SIN3A: variants seen among roughly 807,000 people sequenced by gnomAD.
The protein encoded by SIN3A is SIN3 transcription regulator family member A.
SIN3A carries 14 observed loss-of-function variants against 146.1 expected under a neutral mutation model. That is an observed-to-expected ratio of 0.10 (90% CI 0.06 to 0.15). The LOEUF (loss-of-function observed/expected upper bound fraction) is 0.15. Ranked by LOEUF, SIN3A falls within the 10% of genes least tolerant of loss-of-function variation. The pLI is 1.00. For synonymous variants in SIN3A, 572 were observed against 572.0 expected, an observed-to-expected ratio of 1.00 and a Z score of 0.00; for missense variants, 1,028 against 1,576.0, an observed-to-expected ratio of 0.65 and a Z score of 5.89.
chr15:75,442,381 C>T (rs2074231903), intron 1 of SIN3A, among the ~76,000 whole-genome samples: 1 of 150,554 alleles, frequency 6.6e-6, no homozygotes, highest in South Asian at 2.1e-4. Flanking sequence ...CTATGTTGCC[C>T]AGGCTGGTCT....
At chr15:75,402,791 C>T (rs2073435959) in intron 9 of SIN3A, among the ~76,000 whole-genome samples, 1 of 151,986 alleles carries the variant, frequency 6.6e-6, no homozygotes, top group Non-Finnish European at 1.5e-5. Flanking sequence ...TGTGCTACTA[C>T]ACCCGGATAA....
At chr15:75,397,171 C>G (rs1200008714) in intron 12 of SIN3A, among the ~76,000 whole-genome samples, 1 of 152,128 alleles carries the variant, frequency 6.6e-6, no homozygotes, top group Non-Finnish European at 1.5e-5. Flanking sequence ...ATAAGGTTCT[C>G]TAAATGAGAA....
intron 1 of SIN3A, among the ~76,000 whole-genome samples, chr15:75,448,919 TC>T (rs1219744511): frequency 1.3e-5 from 2 of 152,204 alleles, no homozygotes; most frequent in Non-Finnish European, 2.9e-5. Flanking sequence ...ATTAAAACCC[TC>T]TTAATTACGA....
intron 1 of SIN3A, among the ~76,000 whole-genome samples, chr15:75,432,001 G>A (rs2074021260): frequency 6.6e-6 from 1 of 152,182 alleles, no homozygotes. Flanking sequence ...AGCTTTGTGT[G>A]TGATAATATG....
chr15:75,445,700 G>A (rs2074295078), intron 1 of SIN3A, among the ~76,000 whole-genome samples: 1 of 146,976 alleles, frequency 6.8e-6, no homozygotes, highest in South Asian at 2.1e-4. Flanking sequence ...GCAATGAGCC[G>A]AGATAGTACC....
At chr15:75,394,316 C>A (rs1458940250) in intron 14 of SIN3A, among the ~76,000 whole-genome samples, 1 of 152,148 alleles carries the variant, frequency 6.6e-6, no homozygotes, top group Admixed American at 6.5e-5. Context: ...GCAAGGATTA[C>A]AAAGAGTTTG....
At chr15:75,442,120 C>CAAAAAAAAA (rs57418865) in intron 1 of SIN3A, among the ~76,000 whole-genome samples, 1 of 29,280 alleles carries the variant, frequency 3.4e-5, no homozygotes, top group Non-Finnish European at 5.3e-5. Flanking sequence ...GACTCTGTCT[C>CAAAAAAAAA]AAAAAAAAAA....
chr15:75,422,722 C>G lies in SIN3A; in HGVS notation c.291G>C (p.Gln97His), dbSNP rs2073859814. ...CTGGATGAGCATGACTCTGGACCAC[C>G]TGGCCTCCGTGGGGCTGCACCGCTG... ...HPTAVQPHGG[Q>H]VVQSHAHPAP... The change falls in exon 3 of 21, where the codon CAG becomes CAC. Residue 97 changes from glutamine to histidine, a missense_variant. By Grantham distance (24) the Gln-to-His change is conservative (BLOSUM62 0). Transcript: ENST00000394947. 1 of 1,614,100 alleles carries G rather than the reference C, an allele frequency of 6.2e-7. No homozygotes were observed. Among genetic ancestry groups the G allele is most frequent in the Non-Finnish European group, 8.5e-7 (1 of 1,180,046 alleles).
chr15:75,412,263 A>G (rs904130116), intron 5 of SIN3A, among the ~76,000 whole-genome samples: 1 of 152,270 alleles, frequency 6.6e-6, no homozygotes, highest in Admixed American at 6.5e-5. Flanking sequence ...TTTAATTTAA[A>G]TAGTCCTATG....
chr15:75,376,605 A>C (rs1433091457), intron 19 of SIN3A, among the ~76,000 whole-genome samples: 1 of 152,036 alleles, frequency 6.6e-6, no homozygotes, highest in Non-Finnish European at 1.5e-5. Context: ...GCTCATGCCT[A>C]TAATCCCAGC....
chr15:75,446,336 T>C (rs770433728), intron 1 of SIN3A: 1 of 149,532 alleles, frequency 6.7e-6, no homozygotes, highest in Non-Finnish European at 1.5e-5. Context: ...AAGACCCTCA[T>C]GTCTTTGTGA....
chr15:75,445,043 G>A (rs191592366), intron 1 of SIN3A, among the ~76,000 whole-genome samples: 4 of 151,792 alleles, frequency 2.6e-5, no homozygotes, highest in Admixed American at 2.0e-4. Context: ...TGAGCAACAT[G>A]GTAAGACCCT....
chr15:75,410,413 C>T (rs79147131), intron 6 of SIN3A, 127 bp from the exon 7 acceptor site: 195,104 of 848,940 alleles, frequency 0.23, 24,871 homozygotes, highest in Non-Finnish European at 0.27. Context: ...GTTCTTAGCA[C>T]CCGTTCTGAC....
At chr15:75,374,099 C>T (rs540036259) in intron 20 of SIN3A, among the ~76,000 whole-genome samples, 44 of 152,278 alleles carry the variant, frequency 2.9e-4, no homozygotes, top group Non-Finnish European at 4.7e-4. Context: ...CAAAACAAAA[C>T]AAACCAAAAA....
At chr15:75,446,767 A>G (rs1479189599) in intron 1 of SIN3A, among the ~76,000 whole-genome samples, 1 of 151,650 alleles carries the variant, frequency 6.6e-6, no homozygotes, top group African/African-American at 2.4e-5. Flanking sequence ...GTGAAATTAC[A>G]GACATATCCT....
rs2072752453 is a variant in SIN3A, at chr15:75,371,573, C to T, written c.*406G>A. On this transcript the variant is annotated 3_prime_UTR_variant, in exon 21 of 21. Transcript: ENST00000394947. ...TTCCAATCCATCTGAGTATTAAGTCCTTCTCCAGTCTGTTTTGTAAATGCA... is the reference window on the plus strand; with the variant it reads ...TTCCAATCCATCTGAGTATTAAGTCTTTCTCCAGTCTGTTTTGTAAATGCA... 1.1e-5 allele frequency: 2 copies of T among 175,082 alleles called. No homozygotes were observed. The highest frequency in any genetic ancestry group is 2.4e-5 in the African/African-American group (1 of 42,266). The allele number at this position is 175,082 out of a possible 1,614,324, so 10.8% of individuals were successfully genotyped here. A position where few individuals can be genotyped will look rare whatever the true frequency, so the allele number is the denominator to read the frequency against.
chr15:75,396,311 G>C lies in SIN3A; in HGVS notation c.2040C>G (p.Ile680Met). 6.2e-7 allele frequency: 1 copy of C among 1,614,184 alleles called. No individual in the cohort carries two copies. Among genetic ancestry groups the C allele is most frequent in the Non-Finnish European group, 8.5e-7 (1 of 1,180,012 alleles). ...AGGGATTCTTTCTCAGACCATCAAT[G>C]ATGTCAGCTGCTTTATCAGCATATA... ...QRIYADKAADIIDGLRKNPSI... is the reference protein window; with the variant it reads ...QRIYADKAADMIDGLRKNPSI... The change falls in exon 13 of 21, where the codon ATC (isoleucine) becomes ATG (methionine). Residue 680 changes from isoleucine to methionine, a missense_variant. Physicochemically the swap from Ile to Met is conservative, Grantham distance 10 (BLOSUM62 1). This residue lies in a region of SIN3A where 157 missense variants were observed against 284.8 expected (regional missense o/e 0.55). Coordinates refer to ENST00000394947, the MANE Select transcript of SIN3A (RefSeq NM_001145358.2).
chr15:75,441,820 C>G (rs1253235048), intron 1 of SIN3A, among the ~76,000 whole-genome samples: 1 of 151,992 alleles, frequency 6.6e-6, no homozygotes, highest in Non-Finnish European at 1.5e-5. Flanking sequence ...TAATAAATGT[C>G]AATCAGAATG....
At chr15:75,435,075 G>A (rs1000768028) in intron 1 of SIN3A, among the ~76,000 whole-genome samples, 1 of 151,922 alleles carries the variant, frequency 6.6e-6, no homozygotes, top group African/African-American at 2.4e-5. Flanking sequence ...CTGGCAACTT[G>A]TAGGTATTTA....
Sources: gnomAD v4.1 joint callset for allele counts (sites outside exome capture counted in the v4.1 genomes callset) on GRCh38, gnomAD v4.1.1 for gene constraint, gnomAD v4.1.1 regional missense constraint, MANE v1.5 for transcripts, NCBI Gene and HGNC (gene_info 2026-07-23, HGNC 2026-07-21) for gene names.